The following SAMD14 variants were observed in gnomAD, a reference collection of about 807,000 sequenced individuals.
SAMD14 encodes the protein sterile alpha motif domain-containing protein 14.
A neutral mutation model predicts 46.2 loss-of-function variants in SAMD14; 27 were observed. The ratio of observed to expected loss-of-function variants is 0.58; its 90% CI spans 0.43 to 0.81. The LOEUF (loss-of-function observed/expected upper bound fraction) is 0.81, where lower values mean the gene tolerates loss of function less well. Among genes scored for constraint, SAMD14 ranks in the 30% least tolerant of loss-of-function variants. The pLI is 0.00. For missense variants in SAMD14, 559 were observed against 582.2 expected, an observed-to-expected ratio of 0.96 and a Z score of 0.41; for synonymous variants, 241 against 254.3, an observed-to-expected ratio of 0.95 and a Z score of 0.50.
Position 50,115,608 on chromosome 17 carries a change from A to G in SAMD14, c.778T>C (p.Ser260Pro). The change falls in exon 7 of 10, where the codon TCC becomes CCC. Residue 260 changes from serine (S) to proline (P), a missense_variant. Coordinates refer to ENST00000330175, the MANE Select transcript of SAMD14 (RefSeq NM_001257359.2). The surrounding 1 kb of genome is among the most constrained non-coding windows in gnomAD (Gnocchi z 5.3). ...SSGSTTSPTCSPKHEGFSPKK... is the reference protein window; with the variant it reads ...SSGSTTSPTCPPKHEGFSPKK... ...GGGCTGAAGCCCTCGTGTTTAGGGG[A>G]GCAGGTGGGGGAGGTGGTGCTACCC... 1 of 1,593,250 alleles carries G rather than the reference A, an allele frequency of 6.3e-7. No individual in the cohort carries two copies. Among genetic ancestry groups the G allele is most frequent in the Admixed American group, 1.7e-5 (1 of 58,436 alleles).
chr17:50,117,332 G>A, intron 4 of SAMD14, 75 bp downstream of exon 4: 5 of 1,242,208 alleles, frequency 4.0e-6, no homozygotes, highest in Non-Finnish European at 5.1e-6. Context: ...CCGCGGCTGC[G>A]GTGCGCGCCG....
At chr17:50,114,582 T>TTAATGAG in intron 7 of SAMD14, 1 of 587,578 alleles carries the variant, frequency 1.7e-6, no homozygotes. Flanking sequence ...TGTCACTTCC[T>TTAATGAG]ACAGGCAGAC....
rs1911939005 is a variant in SAMD14, at chr17:50,129,574, G to C, written c.-70C>G. 6.6e-6 allele frequency: 1 copy of C among 152,186 alleles called. No individual in the cohort carries two copies. Among genetic ancestry groups the C allele is most frequent in the Non-Finnish European group, 1.5e-5 (1 of 68,062 alleles). 9.4% of individuals were successfully genotyped at this position (152,186 alleles called of 1,614,324 possible). On this transcript the variant is annotated 5_prime_UTR_variant, in exon 1 of 10. Transcript: ENST00000330175. This position sits in a 1 kb window ranked among gnomAD's most constrained non-coding sequence, Gnocchi z 5.6. Reference sequence around the variant, plus strand: ...CCCGGGAACCCCTCAGGCCCATGGTGCTCGAGGCGGGGGCCGGGCAGGAGA... The same window carrying C: ...CCCGGGAACCCCTCAGGCCCATGGTCCTCGAGGCGGGGGCCGGGCAGGAGA...
intron 1 of SAMD14, among the ~76,000 whole-genome samples, chr17:50,128,349 A>C (rs1911870304): frequency 1.3e-5 from 2 of 149,940 alleles, no homozygotes; most frequent in African/African-American, 2.5e-5. Context: ...GTGTAGGGGG[A>C]CCCTCCCTAC....
rs1346911853 is a variant in SAMD14, at chr17:50,111,558, C to G, written c.*1335G>C. 1 of 152,248 alleles carries G rather than the reference C, an allele frequency of 6.6e-6. No individual in the cohort carries two copies. Among genetic ancestry groups the G allele is most frequent in the Non-Finnish European group, 1.5e-5 (1 of 68,114 alleles). 9.4% of individuals were successfully genotyped at this position (152,248 alleles called of 1,614,324 possible). On this transcript the variant is annotated 3_prime_UTR_variant, in exon 10 of 10. Transcript: ENST00000330175. ...TGAGTCCCAGGTACAGGGTGCTGGC[C>G]GTAAGCCACAGCCCCTGGGCAGGAA...
chr17:50,112,829 T>A lies in SAMD14; in HGVS notation c.*64A>T. 1 of 1,544,594 alleles carries A rather than the reference T, an allele frequency of 6.5e-7. No individual in the cohort carries two copies. Among genetic ancestry groups the A allele is most frequent in the Non-Finnish European group, 8.7e-7 (1 of 1,148,888 alleles). On this transcript the variant is annotated 3_prime_UTR_variant, in exon 10 of 10. Coordinates refer to ENST00000330175, the MANE Select transcript of SAMD14 (RefSeq NM_001257359.2). ...CAGCGCCCAGGTCCAGCCTCCCTGG[T>A]GAGGCCTGTGCCCGCGGAGCCAGTG...
chr17:50,124,818 G>A, intron 2 of SAMD14, 99 bp downstream of exon 2: 1 of 1,061,838 alleles, frequency 9.4e-7, no homozygotes, highest in Middle Eastern at 2.4e-4. Context: ...CTCTGAAGCT[G>A]CCAAGAAGCA....
rs1167734762 is a variant in SAMD14 at position 50,112,964 on chromosome 17, T to C, written c.1183A>G (p.Lys395Glu). 3 of 1,611,292 alleles carry C rather than the reference T, an allele frequency of 1.9e-6. No individual in the cohort carries two copies. Among genetic ancestry groups the C allele is most frequent in the African/African-American group, 1.3e-5 (1 of 74,914 alleles). Residue 395 changes from lysine (K) to glutamate (E), a missense_variant, in exon 10 of 10, where the codon AAG becomes GAG. By Grantham distance (56) the Lys-to-Glu change is moderately conservative. Coordinates refer to ENST00000330175, the MANE Select transcript of SAMD14 (RefSeq NM_001257359.2). ...TGCCGCGCAGCCTTCTCCTGGGCCT[T>C]GCGCTCCTTCTCGGCAGCTGCTGCC... is the stretch of plus-strand genomic sequence containing the variant. Reference protein sequence around the residue: ...EMAAAAEKERKAQEKAARQRE... With the variant: ...EMAAAAEKEREAQEKAARQRE...
In SAMD14 at chr17:50,114,245, G is replaced by C. The variant is rs779015242; in HGVS notation, c.884C>G (p.Pro295Arg). 1.2e-6 allele frequency: 2 copies of C among 1,614,102 alleles called. No homozygotes were observed. Among genetic ancestry groups the C allele is most frequent in the Admixed American group, 3.3e-5 (2 of 60,020 alleles). ...GTAAGAACATTTGGCCTCCTGCCAGGGCCCACTGGGGATCTTGGGGCTGCT... is the reference window on the plus strand; with the variant it reads ...GTAAGAACATTTGGCCTCCTGCCAGCGCCCACTGGGGATCTTGGGGCTGCT... ...PSSSPKIPSG[P>R]WQEAKCSYPY... Residue 295 changes from proline to arginine, a missense_variant, in exon 8 of 10, where the codon CCC becomes CGC. Pro to Arg is a moderately radical substitution (Grantham distance 103). Coordinates refer to ENST00000330175, the MANE Select transcript of SAMD14 (RefSeq NM_001257359.2).
chr17:50,124,765 GCGCGCGCACACACACACACA>G, intron 2 of SAMD14, 132 bp downstream of exon 2: 2 of 634,208 alleles, frequency 3.2e-6, no homozygotes, highest in Non-Finnish European at 5.5e-6. Context: ...GCGTGCACGC[GCGCGCGCACACACACACACA>G]CACACACACA....
In SAMD14 at chr17:50,112,645, C is replaced by CCGA; in HGVS notation, c.*247_*248insTCG. The CCGA allele has an allele frequency of 2.4e-6, 1 of 420,368 alleles. No homozygotes were observed. The highest frequency in any genetic ancestry group is 4.2e-6 in the Non-Finnish European group (1 of 236,584). The allele number at this position is 420,368 out of a possible 1,614,324, so 26.0% of individuals were successfully genotyped here. On this transcript the variant is annotated 3_prime_UTR_variant, in exon 10 of 10. Transcript: ENST00000330175. ...TGCCCTCTCCCCTTCATCTGCTCCT[C>CCGA]CCCCAGGAACTCTGTGCCAAACAAG...
chr17:50,121,688 A>T (rs1284213817), intron 2 of SAMD14, among the ~76,000 whole-genome samples: 1 of 152,158 alleles, frequency 6.6e-6, no homozygotes, highest in Non-Finnish European at 1.5e-5. Flanking sequence ...TCCCAAAGCT[A>T]ACAATATAAA....
Position 50,116,027 on chromosome 17 carries a change from G to A in SAMD14, c.563C>T (p.Thr188Ile), listed in dbSNP as rs1045390937. Residue 188 changes from threonine (T) to isoleucine (I), a missense_variant, in exon 5 of 10, where the codon ACT (threonine) becomes ATT (isoleucine). Thr to Ile is a moderately conservative substitution (Grantham distance 89). Coordinates refer to ENST00000330175, the MANE Select transcript of SAMD14 (RefSeq NM_001257359.2). ...CCCCAGGTCCAGGAACTTTCGGCGA[G>A]TCTTCTTATCGAGGCCGATGGTGGG... ...ASPTIGLDKK[T>I]RRKFLDLGVT... 3.1e-6 allele frequency: 5 copies of A among 1,614,154 alleles called. No homozygotes were observed. The highest frequency in any genetic ancestry group is 4.2e-6 in the Non-Finnish European group (5 of 1,179,980).
rs374953825 is a variant in SAMD14 at position 50,110,136 on chromosome 17, G to A, written c.*2757C>T. Reference sequence around the variant, plus strand: ...TCTGCACCTGAGAGGACGGACTGCCGCCTCTGGGTCCCCCCACCGTGGTGC... The same window carrying A: ...TCTGCACCTGAGAGGACGGACTGCCACCTCTGGGTCCCCCCACCGTGGTGC... On this transcript the variant is annotated 3_prime_UTR_variant, in exon 10 of 10. Coordinates refer to ENST00000330175, the MANE Select transcript of SAMD14 (RefSeq NM_001257359.2). 13 of 1,543,388 alleles carry A rather than the reference G, an allele frequency of 8.4e-6. No individual in the cohort carries two copies. The highest frequency in any genetic ancestry group is 6.8e-5 in the African/African-American group (5 of 73,598).
rs1449894038 is a variant in SAMD14 at position 50,117,547 on chromosome 17, G to A, written c.359C>T (p.Thr120Ile). Reference protein sequence around the residue: ...DEDEPPPSPLTRYRPLHNAAS... With the variant: ...DEDEPPPSPLIRYRPLHNAAS... ...AGCGTTGTGCAGGGGCCGGTAGCGT[G>A]TGAGCGGCGAGGGCGGCGGCTCGTC... Residue 120 changes from threonine to isoleucine, a missense_variant, in exon 4 of 10, where the codon ACA (threonine) becomes ATA (isoleucine). Coordinates refer to ENST00000330175, the MANE Select transcript of SAMD14 (RefSeq NM_001257359.2). 3 of 1,555,442 alleles carry A rather than the reference G, an allele frequency of 1.9e-6. No homozygotes were observed. The highest frequency in any genetic ancestry group is 2.6e-6 in the Non-Finnish European group (3 of 1,160,936).
chr17:50,116,749 A>G (rs1480095102), intron 4 of SAMD14, among the ~76,000 whole-genome samples: 1 of 151,994 alleles, frequency 6.6e-6, no homozygotes. Flanking sequence ...CTTGGCTCAA[A>G]TGTCATTTCC....
chr17:50,125,158 G>T, intron 1 of SAMD14, 187 bp from the exon 2 acceptor site: 2 of 585,978 alleles, frequency 3.4e-6, no homozygotes, highest in Non-Finnish European at 6.0e-6. Flanking sequence ...GTGGGCGCCG[G>T]GGCAGGCAGT....
chr17:50,124,026 G>A (rs578077255), intron 2 of SAMD14: 85 of 453,236 alleles, frequency 1.9e-4, no homozygotes, highest in African/African-American at 1.7e-3. Flanking sequence ...AGGGAGAGAT[G>A]AGGAGAAGCT....
intron 2 of SAMD14, among the ~76,000 whole-genome samples, chr17:50,119,688 T>C (rs887087704): frequency 6.6e-5 from 10 of 152,094 alleles, no homozygotes; most frequent in Admixed American, 6.5e-4. Context: ...CTTGACTCAG[T>C]GAAAAGCCCC....
Sources: gnomAD v4.1 joint callset for allele counts (sites outside exome capture counted in the v4.1 genomes callset) on GRCh38, gnomAD v4.1.1 for gene constraint, Gnocchi (gnomAD v3.1) non-coding constraint, MANE v1.5 for transcripts, NCBI Gene and HGNC (gene_info 2026-07-23, HGNC 2026-07-21) for gene names.